STARD13: variants seen among roughly 807,000 people sequenced by gnomAD.
STARD13 encodes the protein stAR-related lipid transfer protein 13.
STARD13 carries 62 observed loss-of-function variants against 106.4 expected under a neutral mutation model. That is an observed-to-expected ratio of 0.58 (90% confidence interval 0.48 to 0.72). The LOEUF is 0.72. Ranked by LOEUF, STARD13 falls within the 30% of genes least tolerant of loss-of-function variation. STARD13 has a pLI of 0.00. For synonymous variants in STARD13, 565 were observed against 553.0 expected (o/e 1.02, Z -0.31); for missense variants, 1,387 against 1,424.0 (o/e 0.97, Z 0.42).
chr13:33,637,251 C>A, the STARD13 span, among the ~76,000 whole-genome samples: 2 of 152,172 alleles, frequency 1.3e-5, no homozygotes, highest in African/African-American at 4.8e-5. Flanking sequence ...TGTGACTTCT[C>A]TGGCCATGTT....
At chr13:33,648,991 C>T in the STARD13 span, among the ~76,000 whole-genome samples, 2 of 151,714 alleles carry the variant, frequency 1.3e-5, no homozygotes, top group African/African-American at 4.8e-5. Flanking sequence ...GATGGGGTTT[C>T]TCCATGTTGG....
At chr13:33,654,135 G>C in the STARD13 span, among the ~76,000 whole-genome samples, 1 of 152,150 alleles carries the variant, frequency 6.6e-6, no homozygotes, top group African/African-American at 2.4e-5. Flanking sequence ...GTTAAACATA[G>C]TTACCACATG....
rs1397889546 is a variant in STARD13 at position 33,335,974 on chromosome 13, CATTCATTCATTCATTCATTA to C, written c.124+14296_124+14315del. 8.3e-3 allele frequency among the ~76,000 whole-genome samples: 426 copies of C among 51,026 alleles called. 5 individuals carry two copies. Among genetic ancestry groups the C allele is most frequent in the African/African-American group, 0.029 (390 of 13,416 alleles). 33.5% of individuals were successfully genotyped at this position (51,026 alleles called of 152,430 possible). On this transcript the variant is annotated intron_variant, in intron 1 of 5. Transcript: ENST00000567873. Reference sequence around the variant, plus strand: ...TGTTAATGTTAAAATATTATTCATTCATTCATTCATTCATTCATTAATTCATTCACTCAGCAAGCATTCAT... The same window carrying C: ...TGTTAATGTTAAAATATTATTCATTCATTCATTCACTCAGCAAGCATTCAT...
chr13:33,459,092 T>G, the STARD13 span, among the ~76,000 whole-genome samples: 165 of 152,296 alleles, frequency 1.1e-3, 1 homozygote, highest in African/African-American at 4.0e-3. Flanking sequence ...TTACAGCCTA[T>G]TGAGGTACAA....
At chr13:33,655,045 A>G in the STARD13 span, among the ~76,000 whole-genome samples, 1 of 152,362 alleles carries the variant, frequency 6.6e-6, no homozygotes, top group South Asian at 2.1e-4. Context: ...AAATAACTGC[A>G]TGGCATTTTA....
the STARD13 span, among the ~76,000 whole-genome samples, chr13:33,519,226 T>G: frequency 6.8e-6 from 1 of 146,306 alleles, no homozygotes; most frequent in Non-Finnish European, 1.5e-5. Flanking sequence ...CTTTCTTTCT[T>G]TCTTTCTTTC....
chr13:33,111,119 T>C (rs761239755), intron 10 of STARD13, among the ~76,000 whole-genome samples: 11 of 152,262 alleles, frequency 7.2e-5, no homozygotes, highest in Non-Finnish European at 1.3e-4. Flanking sequence ...GTATTTATTA[T>C]TCAAAACATT....
chr13:33,270,432 C>G (rs1463496336), intron 1 of STARD13, among the ~76,000 whole-genome samples: 1 of 152,134 alleles, frequency 6.6e-6, no homozygotes, highest in Non-Finnish European at 1.5e-5. Flanking sequence ...CTAACAGATG[C>G]CAGCATCCCT....
chr13:33,481,815 T>G, the STARD13 span, among the ~76,000 whole-genome samples: 1 of 151,020 alleles, frequency 6.6e-6, no homozygotes, highest in East Asian at 1.9e-4. Flanking sequence ...CTGTCTCTAC[T>G]AAAAATACAA....
intron 1 of STARD13, among the ~76,000 whole-genome samples, chr13:33,319,586 T>C (rs573441473): frequency 6.6e-6 from 1 of 152,324 alleles, no homozygotes; most frequent in South Asian, 2.1e-4. Context: ...GTAAGTTAAA[T>C]TATCTCCTGT....
chr13:33,631,438 C>G, the STARD13 span, among the ~76,000 whole-genome samples: 1 of 152,120 alleles, frequency 6.6e-6, no homozygotes, highest in Non-Finnish European at 1.5e-5. Context: ...TTAGAATAGC[C>G]TCTTCATGTT....
chr13:33,317,402 A>C (rs1312840739), intron 1 of STARD13, among the ~76,000 whole-genome samples: 1 of 152,142 alleles, frequency 6.6e-6, no homozygotes, highest in South Asian at 2.1e-4. Flanking sequence ...TTCCCTTCAA[A>C]TGCACTCCAA....
At chr13:33,488,095 A>G in the STARD13 span, among the ~76,000 whole-genome samples, 1 of 151,928 alleles carries the variant, frequency 6.6e-6, no homozygotes, top group African/African-American at 2.4e-5. Flanking sequence ...CTTCCCCTCT[A>G]GTTCCTCTTC....
chr13:33,239,125 G>A (rs569319521), intron 1 of STARD13, among the ~76,000 whole-genome samples: 1 of 151,936 alleles, frequency 6.6e-6, no homozygotes, highest in African/African-American at 2.4e-5. Flanking sequence ...GAATCATGTC[G>A]AATTTGTCTT....
chr13:33,616,466 A>G, the STARD13 span, among the ~76,000 whole-genome samples: 1 of 152,214 alleles, frequency 6.6e-6, no homozygotes, highest in East Asian at 1.9e-4. Context: ...TGGGAATCTC[A>G]GAAATCTAGA....
the STARD13 span, among the ~76,000 whole-genome samples, chr13:33,558,572 G>GA: frequency 6.6e-6 from 1 of 151,944 alleles, no homozygotes; most frequent in Non-Finnish European, 1.5e-5. Context: ...GAAGGATACA[G>GA]AAAAAATGAA....
intron 1 of STARD13, among the ~76,000 whole-genome samples, chr13:33,219,524 A>C (rs939815573): frequency 8.4e-6 from 1 of 118,692 alleles, no homozygotes. Context: ...TTCTCAAAAA[A>C]AAAAAAAAAA....
At chr13:33,552,369 A>G in the STARD13 span, among the ~76,000 whole-genome samples, 1 of 152,214 alleles carries the variant, frequency 6.6e-6, no homozygotes, top group African/African-American at 2.4e-5. Flanking sequence ...GTCCTCCAAA[A>G]TAGACCATAT....
intron 1 of STARD13, among the ~76,000 whole-genome samples, chr13:33,219,065 C>G (rs112746742): frequency 6.6e-6 from 1 of 152,092 alleles, no homozygotes; most frequent in East Asian, 1.9e-4. Context: ...TTTACTATAT[C>G]TATTGTGAAA....
Sources: gnomAD v4.1 joint callset for allele counts (sites outside exome capture counted in the v4.1 genomes callset) on GRCh38, gnomAD v4.1.1 for gene constraint, MANE v1.5 for transcripts, NCBI Gene and HGNC (gene_info 2026-07-23, HGNC 2026-07-21) for gene names.